The following TRAPPC11 variants were observed in gnomAD, a reference collection of about 807,000 sequenced individuals.
TRAPPC11 encodes the protein trafficking protein particle complex subunit 11.
TRAPPC11 carries 104 observed loss-of-function variants against 151.2 expected under a neutral mutation model. The observed-to-expected ratio is 0.69, with a 90% CI of 0.59 to 0.81. The LOEUF is 0.81. TRAPPC11 is among the 30% of genes least tolerant of loss of function. The probability of loss-of-function intolerance (pLI) is 0.00; values close to 1 mark genes in which losing one functional copy is unlikely to be tolerated. For missense variants in TRAPPC11, 1,230 were observed against 1,349.6 expected (o/e 0.91, Z 1.39); for synonymous variants, 456 against 472.3 (o/e 0.97, Z 0.45).
chr4:183,684,322 G>A lies in TRAPPC11; in HGVS notation c.1384G>A (p.Glu462Lys), dbSNP rs1352950497. ...KSHLMVQMGE[E>K]YYYAKDYTKA... ...CTTTATAGTGGTTCAGATGGGAGAG[G>A]AATATTATTACGCAAAGGATTATAC... The change falls in exon 14 of 30, where the codon GAA (glutamate) becomes AAA (lysine). Residue 462 changes from glutamate (E) to lysine (K), a missense_variant. Physicochemically the swap from Glu to Lys is moderately conservative, Grantham distance 56. Transcript: ENST00000334690. 1.2e-6 allele frequency: 2 copies of A among 1,613,718 alleles called. No homozygotes were observed. The highest frequency in any genetic ancestry group is 2.2e-5 in the East Asian group (1 of 44,854).
chr4:183,706,330 T>C (rs1169177539), intron 27 of TRAPPC11, among the ~76,000 whole-genome samples: 1 of 152,160 alleles, frequency 6.6e-6, no homozygotes, highest in Non-Finnish European at 1.5e-5. Context: ...GAGACCATCC[T>C]GGCTAACACG....
rs376944145 is a variant in TRAPPC11 at position 183,684,042 on chromosome 4, T to C, written c.1275T>C (p.Asn425=). ...TTGCCATTCAGCTGAAGGAGAGAAA[T>C]GTTGTTCACTCTGTAAGTTTTGTGT... ...GILAIQLKER[N]VVHSEIIITL... Residue 425 remains asparagine (N), a synonymous_variant, in exon 12 of 30, where the codon AAT becomes AAC. Transcript: ENST00000334690. 6.2e-7 allele frequency: 1 copy of C among 1,613,886 alleles called. No homozygotes were observed. The highest frequency in any genetic ancestry group is 1.6e-4 in the Middle Eastern group (1 of 6,062).
chr4:183,661,015 T>C (rs564667641), intron 1 of TRAPPC11, among the ~76,000 whole-genome samples: 6 of 152,184 alleles, frequency 3.9e-5, no homozygotes, highest in East Asian at 1.9e-4. Context: ...CCCAGCCTGG[T>C]CACCCCTTTT....
At chr4:183,705,448 A>G (rs1364795487) in intron 27 of TRAPPC11, among the ~76,000 whole-genome samples, 2 of 152,180 alleles carry the variant, frequency 1.3e-5, no homozygotes, top group Non-Finnish European at 2.9e-5. Flanking sequence ...TGAGGACTAT[A>G]CACTGCAACT....
At chr4:183,712,438 AAGG>A (rs1296696428) in intron 29 of TRAPPC11, among the ~76,000 whole-genome samples, 159 bp from the exon 30 acceptor site, 2 of 152,186 alleles carry the variant, frequency 1.3e-5, no homozygotes, top group African/African-American at 4.8e-5. Context: ...GGTGGGGTGA[AAGG>A]AGGAGAATCA....
chr4:183,695,347 G>A (rs1380970725), intron 23 of TRAPPC11, among the ~76,000 whole-genome samples: 1 of 152,096 alleles, frequency 6.6e-6, no homozygotes, highest in African/African-American at 2.4e-5. Context: ...AGAGGGTTCT[G>A]GAGAAAAGGA....
Position 183,705,046 on chromosome 4 carries a change from A to T in TRAPPC11, c.3031A>T (p.Asn1011Tyr). The change falls in exon 27 of 30, where the codon AAT becomes TAT. Residue 1011 changes from asparagine to tyrosine, a missense_variant. Physicochemically the swap from Asn to Tyr is moderately radical, Grantham distance 143 (BLOSUM62 -2). Coordinates refer to ENST00000334690, the MANE Select transcript of TRAPPC11 (RefSeq NM_021942.6). ...VITLPHVIVE[N>Y]IPLHVNADLP... ...CACTCTGCCGCACGTGATTGTGGAG[A>T]ATATCCCTCTCCATGTGAATGCAGG... The T allele has an allele frequency of 5.0e-6, 8 of 1,593,414 alleles. No homozygotes were observed. Among genetic ancestry groups the T allele is most frequent in the Non-Finnish European group, 6.9e-6 (8 of 1,165,544 alleles).
At chr4:183,673,551 G>A (rs553379707) in intron 5 of TRAPPC11, among the ~76,000 whole-genome samples, 44 of 152,132 alleles carry the variant, frequency 2.9e-4, no homozygotes, top group African/African-American at 9.6e-4. Flanking sequence ...ATGTATGCAT[G>A]TAGTTCCAGC....
In TRAPPC11 at chr4:183,712,887, T is replaced by G. The variant is rs1405149517; in HGVS notation, c.*243T>G. On this transcript the variant is annotated 3_prime_UTR_variant, in exon 30 of 30. Transcript: ENST00000334690. ...TGAAAGAATGTCAGACCATTGTTATTGTTGAAAGTCATTTGATGAATGGTA... is the reference window on the plus strand; with the variant it reads ...TGAAAGAATGTCAGACCATTGTTATGGTTGAAAGTCATTTGATGAATGGTA... 3 of 453,556 alleles carry G rather than the reference T, an allele frequency of 6.6e-6. No homozygotes were observed. The highest frequency in any genetic ancestry group is 1.2e-5 in the Non-Finnish European group (3 of 258,470). The allele number at this position is 453,556 out of a possible 1,614,324, so 28.1% of individuals were successfully genotyped here. A position where few individuals can be genotyped will look rare whatever the true frequency, so the allele number is the denominator to read the frequency against.
intron 29 of TRAPPC11, among the ~76,000 whole-genome samples, chr4:183,712,199 A>AAG (rs1023568785): frequency 1.1e-4 from 16 of 152,336 alleles, no homozygotes; most frequent in African/African-American, 3.8e-4. Context: ...GGCCCTGAGC[A>AAG]AGAGAGAGAG....
At chr4:183,690,436 C>G (rs1487597522) in intron 18 of TRAPPC11, among the ~76,000 whole-genome samples, 1 of 152,154 alleles carries the variant, frequency 6.6e-6, no homozygotes, top group Non-Finnish European at 1.5e-5. Context: ...CTTTACTCAT[C>G]TATGAGGATT....
chr4:183,707,955 A>G (rs1737160033), intron 28 of TRAPPC11, among the ~76,000 whole-genome samples: 1 of 152,170 alleles, frequency 6.6e-6, no homozygotes, highest in Non-Finnish European at 1.5e-5. Context: ...TACTTAACAC[A>G]AAGGTAAAAT....
rs12651215 is a variant in TRAPPC11, at chr4:183,697,864, C to G, written c.2851+29C>G. The G allele has an allele frequency of 0.56, 896,101 of 1,598,566 alleles. 254,681 individuals carry two copies. Among genetic ancestry groups the G allele is most frequent in the African/African-American group, 0.66 (48,853 of 74,416 alleles). The stretch of plus-strand genomic sequence containing the variant: ...AGTCTGGTTCATTCCCACTTAAAGA[C>G]CAGGAGAATTGTGCGCGCGTGTGTG... On this transcript the variant is annotated intron_variant, in intron 25 of 29. Coordinates refer to ENST00000334690, the MANE Select transcript of TRAPPC11 (RefSeq NM_021942.6).
At chr4:183,686,908 C>T (rs1203727316) in intron 18 of TRAPPC11, among the ~76,000 whole-genome samples, 160 bp downstream of exon 18, 3 of 152,144 alleles carry the variant, frequency 2.0e-5, no homozygotes, top group South Asian at 2.1e-4. Flanking sequence ...GGGCCGGGCA[C>T]AGTGGCTCAC....
chr4:183,709,301 T>C, intron 29 of TRAPPC11, among the ~76,000 whole-genome samples: 1 of 152,248 alleles, frequency 6.6e-6, no homozygotes, highest in East Asian at 1.9e-4. Flanking sequence ...TTTGTGTCTG[T>C]CTTATTCAAG....
At position 183,708,361 on chromosome 4, in the gene TRAPPC11, C is replaced by T. The variant is rs773155678; in HGVS notation, c.3190-46C>T. The stretch of plus-strand genomic sequence containing the variant: ...AGGGTAACAACATATAGATATTGCA[C>T]ATATGTGTATTTGATTATCTTTCTC... On this transcript the variant is annotated intron_variant, in intron 28 of 29. Coordinates refer to ENST00000334690, the MANE Select transcript of TRAPPC11 (RefSeq NM_021942.6). The T allele has an allele frequency of 1.3e-5, 21 of 1,570,222 alleles. No individual in the cohort carries two copies. The East Asian group carries it at 4.7e-4, about 35-fold the overall frequency.
chr4:183,707,049 CTGT>C, intron 28 of TRAPPC11, 109 bp downstream of exon 28: 1 of 1,347,790 alleles, frequency 7.4e-7, no homozygotes, highest in Non-Finnish European at 9.9e-7. Flanking sequence ...ACTGTGGTCC[CTGT>C]TGTTTTGGTA....
At position 183,706,519 on chromosome 4, in the gene TRAPPC11, C is replaced by T. The variant is rs557321640; in HGVS notation, c.3056-288C>T. 8.2e-4 allele frequency among the ~76,000 whole-genome samples: 120 copies of T among 146,646 alleles called. 2 individuals are homozygous for T. The South Asian group carries it at 0.025, about 30-fold the overall frequency. On this transcript the variant is annotated intron_variant, in intron 27 of 29. Transcript: ENST00000334690. The stretch of plus-strand genomic sequence containing the variant: ...GCCTGGGTGAAAGAGCGAGACTCCG[C>T]CTCAAAAAAAAAAAAAAAGAAATGA...
At chr4:183,712,491 TTC>T in intron 29 of TRAPPC11, 107 bp from the exon 30 acceptor site, 1 of 1,077,656 alleles carries the variant, frequency 9.3e-7, no homozygotes, top group Non-Finnish European at 1.4e-6. Context: ...CACTCATTTA[TTC>T]TGTTTTTGTA....
Sources: gnomAD v4.1 joint callset for allele counts (sites outside exome capture counted in the v4.1 genomes callset) on GRCh38, gnomAD v4.1.1 for gene constraint, MANE v1.5 for transcripts, NCBI Gene and HGNC (gene_info 2026-07-23, HGNC 2026-07-21) for gene names.